The following TENM4 variants were observed in gnomAD, a reference collection of about 807,000 sequenced individuals.
The protein encoded by TENM4 is teneurin transmembrane protein 4, also known as teneurin-4.
TENM4 carries 82 observed loss-of-function variants against 243.3 expected under a neutral mutation model. The observed-to-expected ratio is 0.34, with a 90% CI of 0.28 to 0.40. The LOEUF (loss-of-function observed/expected upper bound fraction) is 0.40, where lower values mean the gene tolerates loss of function less well. TENM4 is among the 10% of genes least tolerant of loss of function. TENM4 has a pLI of 1.00. For synonymous variants in TENM4, 1,412 were observed against 1,456.3 expected, an observed-to-expected ratio of 0.97 and a Z score of 0.69; for missense variants, 3,138 against 3,673.3, an observed-to-expected ratio of 0.85 and a Z score of 3.77.
chr11:79,203,143 G>A (rs570150945), intron 3 of TENM4, among the ~76,000 whole-genome samples: 1 of 152,318 alleles, frequency 6.6e-6, no homozygotes, highest in African/African-American at 2.4e-5. Context: ...TGATGAAGAT[G>A]TGGAGAAACT....
chr11:79,431,502 G>A (rs1755738738), intron 1 of TENM4, among the ~76,000 whole-genome samples: 2 of 152,042 alleles, frequency 1.3e-5, no homozygotes, highest in South Asian at 4.1e-4. Flanking sequence ...TAAGTGTTCC[G>A]AAGTCTACTG....
At chr11:79,296,714 G>C (rs1590859881) in intron 2 of TENM4, among the ~76,000 whole-genome samples, 1 of 152,182 alleles carries the variant, frequency 6.6e-6, no homozygotes, top group African/African-American at 2.4e-5. Context: ...CCTTACTCAA[G>C]GTATGGCTTT....
chr11:79,382,540 G>A (rs1858026207), intron 1 of TENM4, among the ~76,000 whole-genome samples: 1 of 152,108 alleles, frequency 6.6e-6, no homozygotes, highest in Non-Finnish European at 1.5e-5. Context: ...AACTCTACTG[G>A]CAGCAATCCT....
intron 1 of TENM4, among the ~76,000 whole-genome samples, chr11:79,328,124 T>C (rs1460386872): frequency 1.3e-5 from 2 of 152,220 alleles, no homozygotes; most frequent in Non-Finnish European, 2.9e-5. Flanking sequence ...ATCAGCTCTA[T>C]TGAAGTTAAG....
At chr11:78,982,240 TGAGTGAGCA>T (rs1260912361) in intron 6 of TENM4, among the ~76,000 whole-genome samples, 1 of 152,100 alleles carries the variant, frequency 6.6e-6, no homozygotes, top group Admixed American at 6.6e-5. Flanking sequence ...GACCCAGTGG[TGAGTGAGCA>T]GAGCCACCCC....
At chr11:79,086,833 C>T (rs1442838564) in intron 4 of TENM4, among the ~76,000 whole-genome samples, 3 of 52,794 alleles carry the variant, frequency 5.7e-5, no homozygotes, top group Admixed American at 2.0e-4. Context: ...GACTCTGTCT[C>T]GCAAAAAAAA....
At chr11:79,066,654 G>A (rs775605532) in intron 5 of TENM4, among the ~76,000 whole-genome samples, 5 of 149,790 alleles carry the variant, frequency 3.3e-5, no homozygotes, top group Non-Finnish European at 7.4e-5. Flanking sequence ...GCACACACAC[G>A]TGCAAACATG....
chr11:79,123,803 G>A (rs1297043220), intron 4 of TENM4, among the ~76,000 whole-genome samples: 7 of 152,062 alleles, frequency 4.6e-5, no homozygotes, highest in East Asian at 1.9e-4. Flanking sequence ...GAATAAACAC[G>A]CAAAAGGGAT....
chr11:79,147,350 G>C (rs1403697037), intron 4 of TENM4, among the ~76,000 whole-genome samples: 1 of 151,986 alleles, frequency 6.6e-6, no homozygotes, highest in Admixed American at 6.6e-5. Context: ...ATCTAGGACC[G>C]GGGCTATGGC....
rs1857936142 is a variant in TENM4 at position 78,657,994 on chromosome 11, C to CA, written c.*63dup. The CA allele has an allele frequency of 1.9e-6, 3 of 1,604,890 alleles. No individual in the cohort carries two copies. Among genetic ancestry groups the CA allele is most frequent in the Non-Finnish European group, 2.6e-6 (3 of 1,173,704 alleles). On this transcript the variant is annotated 3_prime_UTR_variant, in exon 34 of 34. Coordinates refer to ENST00000278550, the MANE Select transcript of TENM4 (RefSeq NM_001098816.3). ...AAAAATCATTTTTTTAAAAGTACAACACAGTCAGGTATGCGGCCACAAAAG... is the reference window on the plus strand; with the variant it reads ...AAAAATCATTTTTTTAAAAGTACAACAACAGTCAGGTATGCGGCCACAAAAG...
At chr11:78,853,993 G>T in intron 12 of TENM4, 111 bp downstream of exon 12, 1 of 1,094,712 alleles carries the variant, frequency 9.1e-7, no homozygotes, top group Non-Finnish European at 1.3e-6. Flanking sequence ...AAGCTCCAGG[G>T]CCATCCACAG....
At chr11:79,350,583 C>T (rs1857397545) in intron 1 of TENM4, among the ~76,000 whole-genome samples, 1 of 142,168 alleles carries the variant, frequency 7.0e-6, no homozygotes, top group Non-Finnish European at 1.5e-5. Context: ...GTGTGCACCA[C>T]CATACCTGGC....
At position 78,669,843 on chromosome 11, in the gene TENM4, C is replaced by T. The variant is rs200474747; in HGVS notation, c.6502G>A (p.Val2168Ile). ...ACTCGCCCCATGTTATCATACTGGA[C>T]GGTCATCCAGTACATGAGCGAGCGG... ...IFRSLMYWMT[V>I]QYDNMGRVVK... The change falls in exon 32 of 34, where the codon GTC (valine) becomes ATC (isoleucine). Residue 2168 changes from valine (V) to isoleucine (I), a missense_variant. Around this residue, in one of 2 missense-constraint regions of TENM4, gnomAD observed 2,467 missense variants for 3,059.1 expected, o/e 0.81. Coordinates refer to ENST00000278550, the MANE Select transcript of TENM4 (RefSeq NM_001098816.3). The surrounding 1 kb of genome is among the most constrained non-coding windows in gnomAD (Gnocchi z 6.4). 1.4e-4 allele frequency: 232 copies of T among 1,613,780 alleles called. 1 individual carries two copies. Among genetic ancestry groups the T allele is most frequent in the South Asian group, 8.9e-4 (81 of 91,044 alleles).
intron 6 of TENM4, among the ~76,000 whole-genome samples, chr11:78,914,382 T>G (rs1213450049): frequency 2.0e-5 from 3 of 152,112 alleles, no homozygotes; most frequent in Non-Finnish European, 4.4e-5. Flanking sequence ...TCCATGGGGC[T>G]TTAGGAAGAT....
intron 29 of TENM4, among the ~76,000 whole-genome samples, chr11:78,677,666 C>T (rs1277074334): frequency 6.7e-6 from 1 of 150,150 alleles, no homozygotes; most frequent in Non-Finnish European, 1.5e-5. Flanking sequence ...AAAAAAAATA[C>T]ATAAATATAA....
At chr11:79,420,898 T>C (rs1277453092) in intron 1 of TENM4, among the ~76,000 whole-genome samples, 1 of 152,192 alleles carries the variant, frequency 6.6e-6, no homozygotes, top group Non-Finnish European at 1.5e-5. Flanking sequence ...TCAGGGATGA[T>C]ACTTCAACTT....
At chr11:79,283,486 T>C (rs1856195213) in intron 2 of TENM4, among the ~76,000 whole-genome samples, 1 of 152,072 alleles carries the variant, frequency 6.6e-6, no homozygotes, top group Non-Finnish European at 1.5e-5. Context: ...TCATTAGACA[T>C]GGAAAAAGCA....
intron 18 of TENM4, among the ~76,000 whole-genome samples, chr11:78,766,040 A>G (rs1329083048): frequency 6.6e-6 from 1 of 152,250 alleles, no homozygotes; most frequent in Admixed American, 6.5e-5. Flanking sequence ...TACATATTTT[A>G]TAATAAATAT....
At chr11:78,760,831 T>C (rs1856414230) in intron 18 of TENM4, among the ~76,000 whole-genome samples, 1 of 152,230 alleles carries the variant, frequency 6.6e-6, no homozygotes, top group Non-Finnish European at 1.5e-5. Flanking sequence ...TCTATCCTGA[T>C]TTGTTTCTTC....
Sources: gnomAD v4.1 joint callset for allele counts (sites outside exome capture counted in the v4.1 genomes callset) on GRCh38, gnomAD v4.1.1 for gene constraint, gnomAD v4.1.1 regional missense constraint, Gnocchi (gnomAD v3.1) non-coding constraint, MANE v1.5 for transcripts, NCBI Gene and HGNC (gene_info 2026-07-23, HGNC 2026-07-21) for gene names.